The following NALF1 variants were observed in gnomAD, a reference collection of about 807,000 sequenced individuals.
NALF1 encodes NALCN channel auxiliary factor 1.
Under a neutral mutation model 48.4 loss-of-function variants are expected in NALF1, and 3 were observed. That is an observed-to-expected ratio of 0.06 (90% CI 0.03 to 0.16). The LOEUF is 0.16. Ranked by LOEUF, NALF1 falls within the 10% of genes least tolerant of loss-of-function variation. The pLI, the probability that NALF1 is intolerant of heterozygous loss-of-function variation, is 1.00. For missense variants in NALF1, 526 were observed against 571.5 expected, an observed-to-expected ratio of 0.92 and a Z score of 0.81; for synonymous variants, 262 against 245.7, an observed-to-expected ratio of 1.07 and a Z score of -0.62.
At chr13:107,574,491 T>C (rs759285789) in intron 1 of NALF1, among the ~76,000 whole-genome samples, 8 of 152,226 alleles carry the variant, frequency 5.3e-5, no homozygotes, top group Admixed American at 1.3e-4. Context: ...ACTCAGTAAA[T>C]GTTAAATATG....
At chr13:107,243,439 G>A (rs374461798) in intron 1 of NALF1, among the ~76,000 whole-genome samples, 4 of 152,256 alleles carry the variant, frequency 2.6e-5, no homozygotes, top group South Asian at 4.2e-4. Flanking sequence ...TTCTTCCAGG[G>A]CACGTATCAC....
intron 1 of NALF1, among the ~76,000 whole-genome samples, chr13:107,595,902 C>T (rs1433044306): frequency 6.6e-6 from 1 of 152,102 alleles, no homozygotes; most frequent in African/African-American, 2.4e-5. Flanking sequence ...TACCCTCTGA[C>T]TTTTCTGCCT....
chr13:107,620,215 T>A (rs17434898), intron 1 of NALF1, among the ~76,000 whole-genome samples: 1 of 151,978 alleles, frequency 6.6e-6, no homozygotes, highest in South Asian at 2.1e-4. Flanking sequence ...GAACCACAAT[T>A]TGATGGTGAG....
At chr13:107,335,164 G>A (rs570653655) in intron 1 of NALF1, among the ~76,000 whole-genome samples, 1 of 152,188 alleles carries the variant, frequency 6.6e-6, no homozygotes, top group African/African-American at 2.4e-5. Flanking sequence ...AGCTCTAGAC[G>A]AAGTCTTCTG....
chr13:107,181,752 GTTA>G (rs1413991752), intron 2 of NALF1, among the ~76,000 whole-genome samples: 1 of 150,480 alleles, frequency 6.6e-6, no homozygotes, highest in East Asian at 2.0e-4. Flanking sequence ...TAAATATTTT[GTTA>G]TTATGTCTGT....
intron 1 of NALF1, among the ~76,000 whole-genome samples, chr13:107,393,769 T>C (rs913713868): frequency 6.6e-6 from 1 of 152,120 alleles, no homozygotes; most frequent in African/African-American, 2.4e-5. Context: ...AAATTAACAA[T>C]GGGAATCAGT....
intron 1 of NALF1, among the ~76,000 whole-genome samples, chr13:107,334,197 T>C (rs530659168): frequency 5.8e-4 from 89 of 152,328 alleles, no homozygotes; most frequent in African/African-American, 2.0e-3. Flanking sequence ...ATGGTAGTAA[T>C]AGTCTAAAGA....
chr13:107,210,758 GA>G lies in NALF1; in HGVS notation c.916-4del. ...CAGAGCCAGGCTTTGTAGACAATCT[GA>G]AAAAAAGAGAAGAATGAAAAATATA... On this transcript the variant is annotated splice_region_variant and splice_polypyrimidine_tract_variant and intron_variant, in intron 1 of 2. Transcript: ENST00000375915. 2 of 1,603,574 alleles carry G rather than the reference GA, an allele frequency of 1.2e-6. No homozygotes were observed. Among genetic ancestry groups the G allele is most frequent in the Non-Finnish European group, 1.7e-6 (2 of 1,172,302 alleles).
intron 1 of NALF1, among the ~76,000 whole-genome samples, chr13:107,533,977 A>C (rs572002354): frequency 6.6e-6 from 1 of 152,252 alleles, no homozygotes; most frequent in Admixed American, 6.5e-5. Context: ...CCAGGGGACC[A>C]AATATCCTGC....
intron 1 of NALF1, among the ~76,000 whole-genome samples, chr13:107,288,900 T>G (rs1448669733): frequency 6.6e-6 from 1 of 152,172 alleles, no homozygotes; most frequent in East Asian, 1.9e-4. Context: ...TTATTCCTAG[T>G]ACATGTTCTT....
chr13:107,260,949 T>C (rs1880916874), intron 1 of NALF1, among the ~76,000 whole-genome samples: 1 of 152,204 alleles, frequency 6.6e-6, no homozygotes, highest in African/African-American at 2.4e-5. Flanking sequence ...CGATCCTCTC[T>C]TCTTTTCTTT....
At chr13:107,553,709 C>T (rs979921369) in intron 1 of NALF1, among the ~76,000 whole-genome samples, 1 of 152,162 alleles carries the variant, frequency 6.6e-6, no homozygotes, top group Non-Finnish European at 1.5e-5. Context: ...TATGGATATA[C>T]TACAGCAAAT....
chr13:107,836,598 A>C (rs2138631708), intron 1 of NALF1, among the ~76,000 whole-genome samples: 1 of 152,336 alleles, frequency 6.6e-6, no homozygotes, highest in East Asian at 1.9e-4. Context: ...AATATTTTGT[A>C]ACACAAGGAA....
At chr13:107,739,527 A>C (rs1876569299) in intron 1 of NALF1, among the ~76,000 whole-genome samples, 1 of 151,588 alleles carries the variant, frequency 6.6e-6, no homozygotes, top group Non-Finnish European at 1.5e-5. Flanking sequence ...ACTGATATTG[A>C]CCCTCACTGA....
At chr13:107,732,464 A>G (rs1482801171) in intron 1 of NALF1, among the ~76,000 whole-genome samples, 1 of 152,156 alleles carries the variant, frequency 6.6e-6, no homozygotes, top group Non-Finnish European at 1.5e-5. Flanking sequence ...CAAACTGTCT[A>G]GTCTAAGGAC....
intron 1 of NALF1, among the ~76,000 whole-genome samples, chr13:107,606,413 T>C (rs2138428549): frequency 6.6e-6 from 1 of 151,038 alleles, no homozygotes; most frequent in East Asian, 2.2e-4. Flanking sequence ...TCACTGAGAC[T>C]GGAGCGCAGT....
intron 1 of NALF1, among the ~76,000 whole-genome samples, chr13:107,407,391 G>C (rs1166486622): frequency 6.6e-6 from 1 of 151,986 alleles, no homozygotes; most frequent in East Asian, 1.9e-4. Flanking sequence ...TATATAAGGA[G>C]CTCAGACAAT....
intron 1 of NALF1, among the ~76,000 whole-genome samples, chr13:107,497,711 C>T (rs891888690): frequency 3.3e-5 from 5 of 152,148 alleles, no homozygotes; most frequent in South Asian, 2.1e-4. Flanking sequence ...ATTATAGATA[C>T]GTGTGTGTAT....
At chr13:107,177,972 A>AGGAGG (rs1237567803) in intron 2 of NALF1, among the ~76,000 whole-genome samples, 1 of 152,162 alleles carries the variant, frequency 6.6e-6, no homozygotes, top group African/African-American at 2.4e-5. Context: ...GCTTGAACCC[A>AGGAGG]GGAGGCAGAG....
Sources: gnomAD v4.1 joint callset for allele counts (sites outside exome capture counted in the v4.1 genomes callset) on GRCh38, gnomAD v4.1.1 for gene constraint, MANE v1.5 for transcripts, NCBI Gene and HGNC (gene_info 2026-07-23, HGNC 2026-07-21) for gene names.